The following FANK1 variants were observed in gnomAD, a reference collection of about 807,000 sequenced individuals.
The protein encoded by FANK1 is fibronectin type III and ankyrin repeat domains 1, also known as fibronectin type 3 and ankyrin repeat domains protein 1.
A neutral mutation model predicts 45.3 loss-of-function variants in FANK1; 44 were observed. That is an observed-to-expected ratio of 0.97 (90% CI 0.76 to 1.25). The LOEUF (loss-of-function observed/expected upper bound fraction) is 1.25. FANK1 is among the 50% of genes most tolerant of loss of function. The pLI is 0.00. For missense variants in FANK1, 391 were observed against 424.4 expected (o/e 0.92, Z 0.69); for synonymous variants, 149 against 152.5 (o/e 0.98, Z 0.17).
At chr10:126,008,853 A>AGTCCATT (rs1223842402) in intron 8 of FANK1, among the ~76,000 whole-genome samples, 1 of 152,162 alleles carries the variant, frequency 6.6e-6, no homozygotes, top group Admixed American at 6.5e-5. Flanking sequence ...GGATAGAGGG[A>AGTCCATT]GTCCATTTTC....
intron 1 of FANK1, among the ~76,000 whole-genome samples, chr10:125,971,927 G>T (rs137928514): frequency 1.3e-5 from 2 of 151,986 alleles, no homozygotes; most frequent in African/African-American, 4.8e-5. Flanking sequence ...GCGCCCGGCC[G>T]CTCCGGTCTA....
intron 1 of FANK1, among the ~76,000 whole-genome samples, chr10:125,965,706 G>A (rs905756677): frequency 1.3e-5 from 2 of 152,214 alleles, no homozygotes; most frequent in Admixed American, 6.5e-5. Flanking sequence ...ATCCGTTGTT[G>A]ACCAAGTGTC....
intron 3 of FANK1, among the ~76,000 whole-genome samples, chr10:125,994,214 G>A (rs1038499267): frequency 7.9e-5 from 12 of 152,088 alleles, no homozygotes; most frequent in Admixed American, 5.9e-4. Flanking sequence ...AGTGTAGGGT[G>A]CAGTGGGGGA....
chr10:125,938,561 C>G (rs1287785767), intron 1 of FANK1, among the ~76,000 whole-genome samples: 1 of 152,184 alleles, frequency 6.6e-6, no homozygotes, highest in Non-Finnish European at 1.5e-5. Flanking sequence ...GTAATCCCAG[C>G]ACTTTGGGAG....
At chr10:126,008,726 C>T (rs924097511) in intron 8 of FANK1, among the ~76,000 whole-genome samples, 176 bp downstream of exon 8, 7 of 152,210 alleles carry the variant, frequency 4.6e-5, no homozygotes, top group Non-Finnish European at 8.8e-5. Flanking sequence ...AGAATACTTT[C>T]GTTGTCTTTT....
intron 1 of FANK1, among the ~76,000 whole-genome samples, chr10:125,943,845 T>C (rs1170895779): frequency 6.6e-6 from 1 of 152,228 alleles, no homozygotes; most frequent in Admixed American, 6.5e-5. Context: ...TTGGAAAATC[T>C]GAAGTAGTCA....
At chr10:125,947,494 A>C (rs1241199829) in intron 1 of FANK1, among the ~76,000 whole-genome samples, 1 of 150,600 alleles carries the variant, frequency 6.6e-6, no homozygotes, top group Non-Finnish European at 1.5e-5. Context: ...CTTCAAACCA[A>C]CAAAGATCAA....
At chr10:125,925,941 T>G (rs571023987) in intron 1 of FANK1, among the ~76,000 whole-genome samples, 1 of 144,056 alleles carries the variant, frequency 6.9e-6, no homozygotes, top group South Asian at 2.3e-4. Context: ...TTATGTTTCT[T>G]TTTTTCCTTT....
At chr10:125,984,568 C>T (rs774142649) in intron 2 of FANK1, among the ~76,000 whole-genome samples, 9 of 152,032 alleles carry the variant, frequency 5.9e-5, no homozygotes, top group African/African-American at 2.2e-4. Flanking sequence ...ACGTCCAAGC[C>T]GAGATGTCAG....
intron 1 of FANK1, among the ~76,000 whole-genome samples, chr10:125,937,785 G>A (rs2134149661): frequency 6.6e-6 from 1 of 152,258 alleles, no homozygotes; most frequent in African/African-American, 2.4e-5. Context: ...AAACATGAAT[G>A]AAATGAAATA....
At chr10:125,995,312 G>A (rs1952242474) in intron 3 of FANK1, 105 bp from the exon 4 acceptor site, 1 of 978,184 alleles carries the variant, frequency 1.0e-6, no homozygotes, top group Non-Finnish European at 1.6e-6. Flanking sequence ...GAATAGCCAA[G>A]CGCCTTCCTG....
intron 1 of FANK1, among the ~76,000 whole-genome samples, chr10:125,970,617 A>G (rs1950454869): frequency 6.6e-6 from 1 of 152,224 alleles, no homozygotes; most frequent in Non-Finnish European, 1.5e-5. Context: ...GCTGGAGACC[A>G]GCCGGGCCAA....
At chr10:125,929,659 T>C (rs563077528) in intron 1 of FANK1, among the ~76,000 whole-genome samples, 1 of 152,304 alleles carries the variant, frequency 6.6e-6, no homozygotes, top group East Asian at 1.9e-4. Context: ...TGTATGGTAT[T>C]GTTAACAGTG....
intron 4 of FANK1, 71 bp downstream of exon 4, chr10:125,995,569 T>C: frequency 7.0e-7 from 1 of 1,434,964 alleles, no homozygotes; most frequent in Non-Finnish European, 9.8e-7. Context: ...TGCAGTAGTT[T>C]CATTTTGTTT....
intron 1 of FANK1, among the ~76,000 whole-genome samples, chr10:125,906,332 A>G (rs182502231): frequency 2.8e-4 from 42 of 152,124 alleles, no homozygotes; most frequent in Admixed American, 1.4e-3. Context: ...CCTGGCCAAC[A>G]TGGTGAAACC....
At position 125,933,642 on chromosome 10, in the gene FANK1, C is replaced by T. The variant is rs546418355; in HGVS notation, c.13+36987C>T. Among the ~76,000 whole-genome samples, 10 of 152,156 alleles carry T rather than the reference C, an allele frequency of 6.6e-5. No homozygotes were observed. In the East Asian group the frequency reaches 1.2e-3, roughly 18 times the overall value. On this transcript the variant is annotated intron_variant, in intron 1 of 10. Coordinates refer to ENST00000368693, the MANE Select transcript of FANK1 (RefSeq NM_145235.5). ...TGTTTCAATTTCATTTAGTTCTGCT[C>T]GGATCTTGGTAATTTCCTTTCTTCT... is the stretch of plus-strand genomic sequence containing the variant.
Position 125,983,002 on chromosome 10 carries a change from C to T in FANK1, c.191+2664C>T, listed in dbSNP as rs150606907. On this transcript the variant is annotated intron_variant, in intron 2 of 10. Transcript: ENST00000368693. This position sits in a 1 kb window ranked among gnomAD's most constrained non-coding sequence, Gnocchi z 4.3. The stretch of plus-strand genomic sequence containing the variant: ...GTCACATTGTCTTTGGTGGGTCCTC[C>T]ATTGCTTAAAGGATAAAGGCCAAAT... Among the ~76,000 whole-genome samples, 129 of 151,892 alleles carry T rather than the reference C, an allele frequency of 8.5e-4. 1 individual carries two copies. The highest frequency in any genetic ancestry group is 1.5e-3 in the Non-Finnish European group (105 of 67,980).
At chr10:126,000,598 A>G (rs967499937) in intron 6 of FANK1, among the ~76,000 whole-genome samples, 1 of 152,216 alleles carries the variant, frequency 6.6e-6, no homozygotes, top group African/African-American at 2.4e-5. Context: ...TTAAATGTAA[A>G]AAACAAAACC....
chr10:125,973,716 A>G (rs1201288050), intron 1 of FANK1: 1 of 152,500 alleles, frequency 6.6e-6, no homozygotes, highest in African/African-American at 2.4e-5. Context: ...ACATTTTGCC[A>G]TATATGTCAT....
Sources: allele counts gnomAD v4.1 joint callset (sites outside exome capture counted in the v4.1 genomes callset), GRCh38; gene constraint gnomAD v4.1.1; non-coding constraint Gnocchi (gnomAD v3.1); transcripts MANE v1.5; gene names NCBI Gene and HGNC (gene_info 2026-07-23, HGNC 2026-07-21).